Variants in GRID1 observed in about 807,000 individuals in gnomAD.
GRID1 encodes glutamate ionotropic receptor delta type subunit 1, also known as glutamate receptor ionotropic, delta-1.
GRID1 carries 28 observed loss-of-function variants against 98.0 expected under a neutral mutation model. That is an observed-to-expected ratio of 0.29 (90% CI 0.21 to 0.39). The LOEUF (loss-of-function observed/expected upper bound fraction) is 0.39. Ranked by LOEUF, GRID1 falls within the 10% of genes least tolerant of loss-of-function variation. GRID1 has a pLI of 1.00. For synonymous variants in GRID1, 553 were observed against 538.5 expected, an observed-to-expected ratio of 1.03 and a Z score of -0.37; for missense variants, 1,111 against 1,340.5, an observed-to-expected ratio of 0.83 and a Z score of 2.67.
chr10:86,347,864 G>A (rs1382731726), intron 2 of GRID1, among the ~76,000 whole-genome samples: 1 of 152,162 alleles, frequency 6.6e-6, no homozygotes, highest in East Asian at 1.9e-4. Context: ...GTCTCAGATG[G>A]TCCGCTTTAG....
At position 86,171,128 on chromosome 10, in the gene GRID1, G is replaced by T. The variant is rs187360806; in HGVS notation, c.521-32104C>A. Among the ~76,000 whole-genome samples the T allele has an allele frequency of 7.2e-4, 109 of 152,306 alleles. 1 individual carries two copies. The Middle Eastern group carries it at 0.01, about 14-fold the overall frequency. On this transcript the variant is annotated intron_variant, in intron 3 of 15. Coordinates refer to ENST00000327946, the MANE Select transcript of GRID1 (RefSeq NM_017551.3). ...GTCTAGAAGCAGGACTAAGGCACCT[G>T]TATTTTTCGAAACTTCCCAAGGGAT...
chr10:86,084,791 G>A (rs1187219790), intron 4 of GRID1, among the ~76,000 whole-genome samples: 1 of 152,126 alleles, frequency 6.6e-6, no homozygotes, highest in African/African-American at 2.4e-5. Flanking sequence ...ACAGAATACT[G>A]TATGATCTCA....
chr10:86,164,977 G>A (rs995168646), intron 3 of GRID1, among the ~76,000 whole-genome samples: 7 of 152,168 alleles, frequency 4.6e-5, no homozygotes, highest in African/African-American at 1.4e-4. Flanking sequence ...AAAGAACAGT[G>A]GACAGAAGCG....
At chr10:85,913,371 C>T (rs1483522832) in intron 5 of GRID1, among the ~76,000 whole-genome samples, 2 of 152,190 alleles carry the variant, frequency 1.3e-5, no homozygotes, top group African/African-American at 4.8e-5. Context: ...GTGATTTAAC[C>T]TCTGGAGACT....
At chr10:85,744,657 A>G (rs1236527834) in intron 8 of GRID1, among the ~76,000 whole-genome samples, 1 of 96,568 alleles carries the variant, frequency 1.0e-5, no homozygotes, top group African/African-American at 4.3e-5. Context: ...GGACATAGGC[A>G]CGGGCAAGGA....
At chr10:85,851,020 G>A (rs1310534765) in intron 8 of GRID1, among the ~76,000 whole-genome samples, 1 of 152,090 alleles carries the variant, frequency 6.6e-6, no homozygotes, top group Non-Finnish European at 1.5e-5. Context: ...AACTACAGGT[G>A]GCCCTGACAG....
Position 86,215,235 on chromosome 10 carries a change from G to T in GRID1, c.236-8587C>A, listed in dbSNP as rs147268793. 4.4e-3 allele frequency among the ~76,000 whole-genome samples: 663 copies of T among 152,298 alleles called. 11 individuals are homozygous for T. The highest frequency in any genetic ancestry group is 0.015 in the African/African-American group (616 of 41,560). ...CAGCCTAGCCCAGAGAGGCCCAGGGGAGCAGAGCCGAATGGTCCTGAGGAA... is the reference window on the plus strand; with the variant it reads ...CAGCCTAGCCCAGAGAGGCCCAGGGTAGCAGAGCCGAATGGTCCTGAGGAA... On this transcript the variant is annotated intron_variant, in intron 2 of 15. Coordinates refer to ENST00000327946, the MANE Select transcript of GRID1 (RefSeq NM_017551.3).
intron 12 of GRID1, among the ~76,000 whole-genome samples, chr10:85,665,072 T>A (rs953595970): frequency 2.0e-5 from 3 of 152,196 alleles, no homozygotes; most frequent in African/African-American, 7.2e-5. Context: ...TTATTAGAAC[T>A]ATTATTATTA....
intron 4 of GRID1, among the ~76,000 whole-genome samples, chr10:86,061,403 T>C (rs2131913478): frequency 2.0e-5 from 3 of 152,252 alleles, no homozygotes; most frequent in African/African-American, 7.2e-5. Context: ...TGTCTAGGAC[T>C]CCCTTTCCAT....
intron 2 of GRID1, among the ~76,000 whole-genome samples, chr10:86,266,026 G>C (rs1240222843): frequency 6.6e-6 from 1 of 152,010 alleles, no homozygotes; most frequent in African/African-American, 2.4e-5. Context: ...CCCTCTCAGA[G>C]GCTCAGGTCT....
At chr10:85,694,180 A>G (rs373327718) in intron 12 of GRID1, among the ~76,000 whole-genome samples, 19 of 152,216 alleles carry the variant, frequency 1.2e-4, no homozygotes, top group Admixed American at 5.9e-4. Flanking sequence ...AAAATGCTCA[A>G]CATCACCGAT....
chr10:86,357,734 G>A (rs570671832), intron 2 of GRID1, among the ~76,000 whole-genome samples: 8 of 152,194 alleles, frequency 5.3e-5, no homozygotes, highest in Admixed American at 3.3e-4. Flanking sequence ...CCCTGACACC[G>A]TGAGTTCAGC....
At chr10:85,939,940 A>G (rs1224721722) in intron 4 of GRID1, among the ~76,000 whole-genome samples, 1 of 151,860 alleles carries the variant, frequency 6.6e-6, no homozygotes, top group Non-Finnish European at 1.5e-5. Flanking sequence ...GGTGGTGCAC[A>G]CCTGTAATCC....
At chr10:86,216,298 G>C (rs567130553) in intron 2 of GRID1, among the ~76,000 whole-genome samples, 1 of 152,340 alleles carries the variant, frequency 6.6e-6, no homozygotes, top group African/African-American at 2.4e-5. Context: ...CTGAAGCAGA[G>C]ATATTCAGAA....
At chr10:85,845,788 A>T (rs1842999957) in intron 8 of GRID1, among the ~76,000 whole-genome samples, 1 of 152,216 alleles carries the variant, frequency 6.6e-6, no homozygotes, top group Non-Finnish European at 1.5e-5. Context: ...GTAAAACCCA[A>T]TAATGAATTA....
intron 8 of GRID1, among the ~76,000 whole-genome samples, chr10:85,844,420 T>TACACACACACACACACACACAC (rs55706189): frequency 7.5e-6 from 1 of 133,740 alleles, no homozygotes; most frequent in Non-Finnish European, 1.6e-5. Context: ...TACAACTAAA[T>TACACACACACACACACACACAC]ACACACACAC....
At chr10:86,126,680 A>G (rs961592165) in intron 4 of GRID1, among the ~76,000 whole-genome samples, 1 of 152,248 alleles carries the variant, frequency 6.6e-6, no homozygotes, top group African/African-American at 2.4e-5. Context: ...AGAGTTGGCC[A>G]ACAAAGAGTT....
intron 4 of GRID1, among the ~76,000 whole-genome samples, chr10:86,031,410 G>C (rs551999477): frequency 6.8e-4 from 103 of 152,194 alleles, no homozygotes; most frequent in Non-Finnish European, 1.3e-3. Flanking sequence ...GACTTCAAAA[G>C]GGGGGGCAGG....
At chr10:85,928,418 C>T (rs1017306652) in intron 4 of GRID1, among the ~76,000 whole-genome samples, 1 of 152,238 alleles carries the variant, frequency 6.6e-6, no homozygotes, top group African/African-American at 2.4e-5. Flanking sequence ...GATTATGCAG[C>T]AGCAAGGCAG....
Sources: allele counts gnomAD v4.1 joint callset (sites outside exome capture counted in the v4.1 genomes callset), GRCh38; gene constraint gnomAD v4.1.1; transcripts MANE v1.5; gene names NCBI Gene and HGNC (gene_info 2026-07-23, HGNC 2026-07-21).